SERPINB6: variants seen among roughly 807,000 people sequenced by gnomAD.
SERPINB6 encodes serpin family B member 6.
In SERPINB6, 16 loss-of-function variants were observed where a neutral mutation model predicts 26.1. That is an observed-to-expected ratio of 0.61 (90% CI 0.42 to 0.93). SERPINB6 has a LOEUF of 0.93. Ranked by LOEUF, SERPINB6 falls within the 40% of genes least tolerant of loss-of-function variation. The pLI is 0.00. For missense variants in SERPINB6, 420 were observed against 478.0 expected (o/e 0.88, Z 1.13); for synonymous variants, 174 against 176.6 (o/e 0.99, Z 0.11).
At chr6:2,971,086 T>A (rs1772113720) in intron 1 of SERPINB6, 2 of 1,125,306 alleles carry the variant, frequency 1.8e-6, no homozygotes, top group Non-Finnish European at 2.2e-6. Context: ...GGGCGAGGGG[T>A]CACCGAGGCC....
chr6:2,965,516 AT>A (rs2113324900), intron 1 of SERPINB6, among the ~76,000 whole-genome samples: 1 of 152,188 alleles, frequency 6.6e-6, no homozygotes, highest in East Asian at 1.9e-4. Context: ...AATATGTCTA[AT>A]TTTTTAATGC....
Position 2,948,282 on chromosome 6 carries a change from C to G in SERPINB6, c.*16G>C, listed in dbSNP as rs1458069431. The stretch of plus-strand genomic sequence containing the variant: ...GACAGAGAGGAGAGGGGCTGCACAC[C>G]AAGACTGCCCTGTCCTCACGGAGAG... On this transcript the variant is annotated 3_prime_UTR_variant, in exon 7 of 7. Transcript: ENST00000380539. The surrounding 1 kb of genome is among the most constrained non-coding windows in gnomAD (Gnocchi z 5.0). The G allele has an allele frequency of 3.7e-6, 6 of 1,612,632 alleles. No homozygotes were observed. The South Asian group carries it at 5.5e-5, about 15-fold the overall frequency.
intron 5 of SERPINB6, among the ~76,000 whole-genome samples, chr6:2,952,533 C>A (rs1769930293): frequency 6.6e-6 from 1 of 152,252 alleles, no homozygotes; most frequent in Admixed American, 6.5e-5. Context: ...AAACAAAAAT[C>A]TGTACTTATC....
At chr6:2,958,761 C>T (rs1021901642) in intron 2 of SERPINB6, among the ~76,000 whole-genome samples, 4 of 152,232 alleles carry the variant, frequency 2.6e-5, no homozygotes, top group African/African-American at 7.2e-5. Context: ...CTACTGAAAA[C>T]ATGTTTAGCT....
intron 1 of SERPINB6, among the ~76,000 whole-genome samples, chr6:2,965,426 A>AT (rs59942164): frequency 0.19 from 29,042 of 152,040 alleles, 3,586 homozygotes; most frequent in African/African-American, 0.34. Context: ...GGTCAGACTA[A>AT]TTTTTTTTCT....
chr6:2,962,256 T>C (rs558796634), intron 1 of SERPINB6: 488 of 972,792 alleles, frequency 5.0e-4, no homozygotes, highest in Middle Eastern at 4.2e-3. Context: ...TGAGTTTCAC[T>C]GTGTCAGGGG....
intron 4 of SERPINB6, 68 bp downstream of exon 4, chr6:2,954,524 T>A: frequency 8.2e-7 from 1 of 1,215,946 alleles, no homozygotes; most frequent in Non-Finnish European, 1.2e-6. Context: ...TTGACAGTCT[T>A]GTGAAGGAAC....
intron 1 of SERPINB6, chr6:2,961,984 C>T: frequency 1.0e-6 from 1 of 983,860 alleles, no homozygotes; most frequent in Non-Finnish European, 1.2e-6. Context: ...CCTCAGCCTC[C>T]CAAGGTGCTG....
In SERPINB6 at chr6:2,970,724, CAAA is replaced by C. The variant is rs70995402; in HGVS notation, c.-11+806_-11+808del. 6,838 of 1,047,440 alleles carry C rather than the reference CAAA, an allele frequency of 6.5e-3. 2 individuals carry two copies. Among genetic ancestry groups the C allele is most frequent in the African/African-American group, 0.015 (729 of 48,540 alleles). The allele number at this position is 1,047,440 out of a possible 1,614,324, so 64.9% of individuals were successfully genotyped here. A position where few individuals can be genotyped will look rare whatever the true frequency, so the allele number is the denominator to read the frequency against. ...AGTTTTCCGAAGCCAATCTTTAGGACAAAAAAAAAAAAAAAAAAAAGGAAGAAA... is the reference window on the plus strand; with the variant it reads ...AGTTTTCCGAAGCCAATCTTTAGGACAAAAAAAAAAAAAAAAAGGAAGAAA... On this transcript the variant is annotated intron_variant, in intron 1 of 6. Transcript: ENST00000380539.
intron 1 of SERPINB6, chr6:2,964,032 C>CCCT (rs1211586455): frequency 6.6e-6 from 1 of 152,336 alleles, no homozygotes; most frequent in East Asian, 1.9e-4. Context: ...TGTGCCGCTG[C>CCCT]CCTCCTGCTC....
chr6:2,959,578 C>G (rs1770876368), intron 1 of SERPINB6: 3 of 538,086 alleles, frequency 5.6e-6, no homozygotes, highest in Non-Finnish European at 1.0e-5. Flanking sequence ...GAGGACTCCT[C>G]CCTGCACGCC....
At chr6:2,955,189 C>CAA (rs746942111) in intron 3 of SERPINB6, 14,450 of 175,940 alleles carry the variant, frequency 0.082, 382 homozygotes, top group East Asian at 0.16. Context: ...GATTCTGTCT[C>CAA]AAAAAAAAAA....
chr6:2,968,893 G>C (rs538016222), intron 1 of SERPINB6: 1 of 1,229,368 alleles, frequency 8.1e-7, no homozygotes, highest in African/African-American at 1.6e-5. Flanking sequence ...AGAACTCTTC[G>C]GTGTGGCTAT....
intron 1 of SERPINB6, chr6:2,971,293 A>G: frequency 1.6e-6 from 1 of 624,532 alleles, no homozygotes; most frequent in Non-Finnish European, 2.0e-6. Flanking sequence ...CCGGAAGGGA[A>G]CCCAAGCCGG....
chr6:2,958,460 T>C (rs1259873796), intron 2 of SERPINB6, among the ~76,000 whole-genome samples: 1 of 152,068 alleles, frequency 6.6e-6, no homozygotes, highest in East Asian at 1.9e-4. Context: ...GGCGGGGACG[T>C]GATGGGTACT....
chr6:2,963,453 C>T (rs139559241), intron 1 of SERPINB6: 1 of 152,270 alleles, frequency 6.6e-6, no homozygotes, highest in Non-Finnish European at 1.5e-5. Flanking sequence ...GCCAGGACCG[C>T]ATGGCTCTGT....
At chr6:2,959,560 T>A in intron 1 of SERPINB6, 2 of 575,826 alleles carry the variant, frequency 3.5e-6, no homozygotes, top group Non-Finnish European at 6.2e-6. Context: ...AACGCCGCCC[T>A]GTTTTGTGAG....
Position 2,948,912 on chromosome 6 carries a change from A to G in SERPINB6, c.729+2T>C. ...ACGCCTCGCTCACAGCTTAGCTGTT[A>G]CCGTTCTCAAGTCAGTGGTCTCGTC... On this transcript the variant is annotated splice_donor_variant, in intron 6 of 6. Transcript: ENST00000380539. LOFTEE classifies it high-confidence loss of function. The surrounding 1 kb of genome is among the most constrained non-coding windows in gnomAD (Gnocchi z 5.0). 6.2e-7 allele frequency: 1 copy of G among 1,614,198 alleles called. No homozygotes were observed. The highest frequency in any genetic ancestry group is 1.3e-5 in the African/African-American group (1 of 75,050).
At chr6:2,964,529 C>T (rs1454464073) in intron 1 of SERPINB6, among the ~76,000 whole-genome samples, 2 of 152,096 alleles carry the variant, frequency 1.3e-5, no homozygotes, top group African/African-American at 4.8e-5. Context: ...CCAAATGTTT[C>T]TAACGGTAAT....
Sources: gnomAD v4.1 joint callset for allele counts (sites outside exome capture counted in the v4.1 genomes callset) on GRCh38, gnomAD v4.1.1 for gene constraint, Gnocchi (gnomAD v3.1) non-coding constraint, MANE v1.5 for transcripts, NCBI Gene and HGNC (gene_info 2026-07-23, HGNC 2026-07-21) for gene names.